PAPPA2: variants seen among roughly 807,000 people sequenced by gnomAD.
The protein encoded by PAPPA2 is pappalysin-2.
In PAPPA2, 86 loss-of-function variants were observed where a neutral mutation model predicts 176.4. The observed-to-expected ratio is 0.49, with a 90% confidence interval of 0.41 to 0.58. The LOEUF (loss-of-function observed/expected upper bound fraction) is 0.58, where lower values mean the gene tolerates loss of function less well. Ranked by LOEUF, PAPPA2 falls within the 20% of genes least tolerant of loss-of-function variation. The pLI is 0.00. For missense variants in PAPPA2, 2,073 were observed against 2,256.9 expected (o/e 0.92, Z 1.65); for synonymous variants, 809 against 852.2 (o/e 0.95, Z 0.88).
intron 4 of PAPPA2, among the ~76,000 whole-genome samples, chr1:176,689,700 C>T (rs1013983039): frequency 6.6e-6 from 1 of 152,148 alleles, no homozygotes; most frequent in South Asian, 2.1e-4. Flanking sequence ...CTCCAAATCC[C>T]ATGGGCTTTT....
chr1:176,548,657 G>A (rs189238312), intron 1 of PAPPA2, among the ~76,000 whole-genome samples: 127 of 152,206 alleles, frequency 8.3e-4, no homozygotes, highest in African/African-American at 2.0e-3. Context: ...GAACTTAGTC[G>A]CTTGACTCTG....
At chr1:176,774,217 T>C (rs1317052119) in intron 17 of PAPPA2, among the ~76,000 whole-genome samples, 1 of 152,144 alleles carries the variant, frequency 6.6e-6, no homozygotes, top group South Asian at 2.1e-4. Context: ...TTTTCCAACT[T>C]GTCAGGCATG....
chr1:176,488,163 T>C (rs544538314), intron 1 of PAPPA2, among the ~76,000 whole-genome samples: 2 of 152,352 alleles, frequency 1.3e-5, no homozygotes, highest in African/African-American at 4.8e-5. Context: ...GTTAAACTTT[T>C]GTAGGCATCT....
At chr1:176,487,841 A>G (rs1384669493) in intron 1 of PAPPA2, among the ~76,000 whole-genome samples, 1 of 152,186 alleles carries the variant, frequency 6.6e-6, no homozygotes, top group Admixed American at 6.6e-5. Flanking sequence ...GAAAAATAAG[A>G]TAATTGGGCC....
At chr1:176,545,196 G>A (rs1210994823) in intron 1 of PAPPA2, among the ~76,000 whole-genome samples, 3 of 152,042 alleles carry the variant, frequency 2.0e-5, no homozygotes, top group Non-Finnish European at 4.4e-5. Flanking sequence ...CAGTCTTAGG[G>A]CTTTCCAAAA....
At chr1:176,785,812 G>A (rs554957575) in intron 17 of PAPPA2, among the ~76,000 whole-genome samples, 84 of 152,206 alleles carry the variant, frequency 5.5e-4, no homozygotes, top group Non-Finnish European at 8.7e-4. Context: ...ATATGAAATC[G>A]GCATTCTTGA....
chr1:176,605,436 C>T (rs1654553157), intron 3 of PAPPA2, among the ~76,000 whole-genome samples: 2 of 152,218 alleles, frequency 1.3e-5, no homozygotes, highest in Non-Finnish European at 2.9e-5. Context: ...CTCCATCTCT[C>T]TCAAAGGGTA....
At position 176,568,545 on chromosome 1, in the gene PAPPA2, A is replaced by T. The variant is rs546810523; in HGVS notation, c.919+11304A>T. 3.3e-5 allele frequency among the ~76,000 whole-genome samples: 5 copies of T among 152,330 alleles called. No homozygotes were observed. The East Asian group carries it at 7.7e-4, about 24-fold the overall frequency. On this transcript the variant is annotated intron_variant, in intron 2 of 22. Transcript: ENST00000367662. ...CTGTGCTATGTTGTCACTATCTTTT[A>T]TCTCAGGAGCAGTGAGGAGTGAAGA... is the stretch of plus-strand genomic sequence containing the variant.
At position 176,523,226 on chromosome 1, in the gene PAPPA2, C is replaced by T. The variant is rs1331062809; in HGVS notation, c.-916-32181C>T. On this transcript the variant is annotated intron_variant, in intron 1 of 22. Transcript: ENST00000367662. ...GCACATGTCTGAGGTATAACTGCTG[C>T]TATATCTGATACCAGCCTTTTCCCA... Among the ~76,000 whole-genome samples the T allele has an allele frequency of 2.6e-5, 4 of 152,194 alleles. No homozygotes were observed. In the South Asian group the frequency reaches 8.3e-4, roughly 32 times the overall value.
rs757867907 is a variant in PAPPA2, at chr1:176,650,796, C to A, written c.1992-20174C>A. 2.0e-5 allele frequency among the ~76,000 whole-genome samples: 3 copies of A among 151,610 alleles called. No individual in the cohort carries two copies. In the South Asian group the frequency reaches 6.2e-4, roughly 32 times the overall value. On this transcript the variant is annotated intron_variant, in intron 3 of 22. Coordinates refer to ENST00000367662, the MANE Select transcript of PAPPA2 (RefSeq NM_020318.3). ...TTGTTCTTTCTTCTTTTATTACTGTCTTCCTTTTTAGTTATGTGATTTTCT... is the reference window on the plus strand; with the variant it reads ...TTGTTCTTTCTTCTTTTATTACTGTATTCCTTTTTAGTTATGTGATTTTCT...
intron 7 of PAPPA2, among the ~76,000 whole-genome samples, chr1:176,698,543 G>T (rs1377688472): frequency 6.6e-6 from 1 of 151,848 alleles, no homozygotes; most frequent in Admixed American, 6.6e-5. Flanking sequence ...TATATTTCCT[G>T]CCTGCAGTTA....
chr1:176,611,601 T>C (rs1654930295), intron 3 of PAPPA2, among the ~76,000 whole-genome samples: 1 of 152,222 alleles, frequency 6.6e-6, no homozygotes, highest in African/African-American at 2.4e-5. Flanking sequence ...TCACATTTTT[T>C]TCTTTTATTA....
intron 3 of PAPPA2, among the ~76,000 whole-genome samples, chr1:176,612,884 T>A (rs1655011086): frequency 6.6e-6 from 1 of 151,952 alleles, no homozygotes; most frequent in Non-Finnish European, 1.5e-5. Context: ...TTTCTGGAGG[T>A]CGGGGAGGAA....
chr1:176,783,601 A>T (rs1293223923), intron 17 of PAPPA2, among the ~76,000 whole-genome samples: 1 of 152,216 alleles, frequency 6.6e-6, no homozygotes, highest in Non-Finnish European at 1.5e-5. Flanking sequence ...ATTTGTCTGG[A>T]GAAGTTAGAG....
chr1:176,789,911 T>G lies in PAPPA2; in HGVS notation c.4818T>G (p.Tyr1606Ter). The change falls in exon 18 of 23, where the codon TAT becomes TAG. Residue 1606 changes from tyrosine (Y) to a stop codon, truncating the protein, a stop_gained. Transcript: ENST00000367662. LOFTEE classifies it high-confidence loss of function. ...EPPPPVFEGMYECTNGFSLDS... is the reference protein window; with the variant it reads ...EPPPPVFEGM Reference sequence around the variant, plus strand: ...CCCCTCCTGTGTTTGAAGGCATGTATGAATGTACCAATGGCTTCAGCCTGG... The same window carrying G: ...CCCCTCCTGTGTTTGAAGGCATGTAGGAATGTACCAATGGCTTCAGCCTGG... The G allele has an allele frequency of 1.2e-6, 2 of 1,614,202 alleles. No individual in the cohort carries two copies. The highest frequency in any genetic ancestry group is 1.7e-6 in the Non-Finnish European group (2 of 1,180,016).
intron 1 of PAPPA2, among the ~76,000 whole-genome samples, chr1:176,529,303 C>G (rs924737951): frequency 1.3e-5 from 2 of 151,954 alleles, no homozygotes; most frequent in Non-Finnish European, 2.9e-5. Flanking sequence ...AGTCTCAGAA[C>G]GAGCCAGAAA....
intron 3 of PAPPA2, among the ~76,000 whole-genome samples, chr1:176,630,852 T>G (rs562071954): frequency 6.6e-6 from 1 of 152,312 alleles, no homozygotes; most frequent in African/African-American, 2.4e-5. Flanking sequence ...TTTATTGAAC[T>G]GAATTTGAAT....
At chr1:176,712,521 G>C (rs1661191617) in intron 12 of PAPPA2, among the ~76,000 whole-genome samples, 1 of 152,240 alleles carries the variant, frequency 6.6e-6, no homozygotes, top group East Asian at 1.9e-4. Context: ...TAGCAGTAGT[G>C]TTCATTTTCA....
In PAPPA2 at chr1:176,842,384, T is replaced by A; in HGVS notation, c.5306T>A (p.Ile1769Asn). 6.2e-7 allele frequency: 1 copy of A among 1,612,994 alleles called. No homozygotes were observed. The highest frequency in any genetic ancestry group is 1.7e-5 in the Admixed American group (1 of 59,928). ...CSSTLSSKKV[I>N]PFAADCDLDE... The stretch of plus-strand genomic sequence containing the variant: ...ACTTCCCTTTCATTCCCCTAGGTCA[T>A]TCCATTTGCTGCTGACTGTGACCTG... Residue 1769 changes from isoleucine to asparagine, a missense_variant, in exon 23 of 23, where the codon ATT becomes AAT. Physicochemically the swap from Ile to Asn is moderately radical, Grantham distance 149. Around this residue, in one of 4 missense-constraint regions of PAPPA2, gnomAD observed 27 missense variants for 52.1 expected, o/e 0.52. Coordinates refer to ENST00000367662, the MANE Select transcript of PAPPA2 (RefSeq NM_020318.3).
Sources: gnomAD v4.1 joint callset for allele counts (sites outside exome capture counted in the v4.1 genomes callset) on GRCh38, gnomAD v4.1.1 for gene constraint, gnomAD v4.1.1 regional missense constraint, MANE v1.5 for transcripts, NCBI Gene and HGNC (gene_info 2026-07-23, HGNC 2026-07-21) for gene names.